Variants in DSCAM observed in about 807,000 individuals in gnomAD.
DSCAM encodes cell adhesion molecule DSCAM.
In DSCAM, 47 loss-of-function variants were observed where a neutral mutation model predicts 217.7. The ratio of observed to expected loss-of-function variants is 0.22; its 90% confidence interval spans 0.17 to 0.28. The LOEUF (loss-of-function observed/expected upper bound fraction) is 0.28. Ranked by LOEUF, DSCAM falls within the 10% of genes least tolerant of loss-of-function variation. The pLI, the probability that DSCAM is intolerant of heterozygous loss-of-function variation, is 1.00. For missense variants in DSCAM, 2,080 were observed against 2,618.3 expected, an observed-to-expected ratio of 0.79 and a Z score of 4.49; for synonymous variants, 1,056 against 1,015.3, an observed-to-expected ratio of 1.04 and a Z score of -0.76.
chr21:40,454,958 G>C (rs1201514886), intron 3 of DSCAM, among the ~76,000 whole-genome samples: 1 of 152,208 alleles, frequency 6.6e-6, no homozygotes, highest in Non-Finnish European at 1.5e-5. Context: ...TGGTAGGCTG[G>C]AGAGAAGTGA....
At chr21:40,256,855 G>T (rs970402354) in intron 11 of DSCAM, among the ~76,000 whole-genome samples, 1 of 152,068 alleles carries the variant, frequency 6.6e-6, no homozygotes, top group Non-Finnish European at 1.5e-5. Flanking sequence ...ATCCATGCAC[G>T]TCTGCTTACA....
intron 19 of DSCAM, among the ~76,000 whole-genome samples, chr21:40,126,639 T>TATAA (rs2090096895): frequency 1.3e-5 from 2 of 152,256 alleles, no homozygotes; most frequent in Admixed American, 1.3e-4. Flanking sequence ...TTATATGTTT[T>TATAA]AAGTTAAAAT....
At chr21:40,565,704 T>C (rs2076759021) in intron 3 of DSCAM, among the ~76,000 whole-genome samples, 1 of 152,150 alleles carries the variant, frequency 6.6e-6, no homozygotes, top group Admixed American at 6.5e-5. Flanking sequence ...AAGGGCCATA[T>C]TGCCTGTCCA....
chr21:40,109,587 G>A (rs1439191894), intron 20 of DSCAM, among the ~76,000 whole-genome samples: 1 of 152,234 alleles, frequency 6.6e-6, no homozygotes, highest in African/African-American at 2.4e-5. Context: ...AGCGGGTGCA[G>A]CGCACCGAGC....
At position 40,549,082 on chromosome 21, in the gene DSCAM, G is replaced by A. The variant is rs541079161; in HGVS notation, c.508+143728C>T. Among the ~76,000 whole-genome samples, 43 of 152,244 alleles carry A rather than the reference G, an allele frequency of 2.8e-4. 1 individual carries two copies. In the East Asian group the frequency reaches 6.8e-3, roughly 24 times the overall value. On this transcript the variant is annotated intron_variant, in intron 3 of 32. Coordinates refer to ENST00000400454, the MANE Select transcript of DSCAM (RefSeq NM_001389.5). ...TAACTGGGTGTGGTGGTGTGCGCCC[G>A]AGGTCCCAGCTACTCTGGAGGCTGA...
intron 11 of DSCAM, among the ~76,000 whole-genome samples, chr21:40,238,923 T>C (rs1420665232): frequency 1.3e-5 from 2 of 152,198 alleles, no homozygotes; most frequent in Non-Finnish European, 2.9e-5. Context: ...CTGCTTCTCT[T>C]TGCTTGAGAG....
chr21:40,374,628 C>A (rs1443314298), intron 3 of DSCAM, among the ~76,000 whole-genome samples: 1 of 152,188 alleles, frequency 6.6e-6, no homozygotes, highest in East Asian at 1.9e-4. Context: ...CTGCTATGAA[C>A]TGAATGTTTG....
intron 3 of DSCAM, among the ~76,000 whole-genome samples, chr21:40,604,752 C>T (rs1481157952): frequency 6.6e-6 from 1 of 152,184 alleles, no homozygotes; most frequent in Non-Finnish European, 1.5e-5. Flanking sequence ...TGATGTGATG[C>T]TGAGGTGTTA....
intron 6 of DSCAM, among the ~76,000 whole-genome samples, chr21:40,341,886 TTTCAGCCTCTTTTCATCTGGAACATTC>T (rs1315302665): frequency 3.3e-5 from 5 of 152,224 alleles, no homozygotes; most frequent in Non-Finnish European, 2.9e-5. Flanking sequence ...TTTCATGTCA[TTTCAGCCTCTTTTCATCTGGAACATTC>T]TTCAGCCTCT....
intron 3 of DSCAM, among the ~76,000 whole-genome samples, chr21:40,681,489 CT>C (rs57356615): frequency 0.011 from 1,566 of 145,810 alleles, 22 homozygotes; most frequent in African/African-American, 0.034. Context: ...CTTAAAAATG[CT>C]TTTTTTTTTT....
At chr21:40,449,925 CCAAT>C (rs1283872883) in intron 3 of DSCAM, among the ~76,000 whole-genome samples, 2 of 152,162 alleles carry the variant, frequency 1.3e-5, no homozygotes, top group East Asian at 3.9e-4. Flanking sequence ...AATACATAAG[CCAAT>C]TAAAATATTT....
At chr21:40,278,046 C>T (rs1201373022) in intron 10 of DSCAM, among the ~76,000 whole-genome samples, 2 of 151,838 alleles carry the variant, frequency 1.3e-5, no homozygotes, top group Non-Finnish European at 2.9e-5. Context: ...TGGGATACAA[C>T]ATCAATATAC....
At chr21:40,309,852 T>G (rs1356724055) in intron 9 of DSCAM, among the ~76,000 whole-genome samples, 1 of 152,202 alleles carries the variant, frequency 6.6e-6, no homozygotes, top group Non-Finnish European at 1.5e-5. Flanking sequence ...CTACTCTTCT[T>G]GCTTTCTAGC....
intron 21 of DSCAM, among the ~76,000 whole-genome samples, chr21:40,089,762 G>A (rs891186569): frequency 6.6e-6 from 1 of 152,008 alleles, no homozygotes. Flanking sequence ...CCAACTGACT[G>A]TCTGCTCCAT....
At chr21:40,236,521 T>C (rs2073081731) in intron 11 of DSCAM, among the ~76,000 whole-genome samples, 1 of 151,988 alleles carries the variant, frequency 6.6e-6, no homozygotes, top group Non-Finnish European at 1.5e-5. Flanking sequence ...TCAGGTGCTG[T>C]AGTCAAAGGA....
intron 18 of DSCAM, 96 bp downstream of exon 18, chr21:40,142,462 A>G: frequency 7.1e-7 from 1 of 1,408,824 alleles, no homozygotes; most frequent in Non-Finnish European, 9.7e-7. Flanking sequence ...GGTGCCCGCC[A>G]TATCCTGAGC....
chr21:40,563,599 TATATA>T (rs2076738871), intron 3 of DSCAM, among the ~76,000 whole-genome samples: 1 of 111,860 alleles, frequency 8.9e-6, no homozygotes, highest in African/African-American at 4.4e-5. Context: ...GTTTATATGT[TATATA>T]TATGTTTACA....
At chr21:40,255,452 C>CCCGG (rs1475767920) in intron 11 of DSCAM, among the ~76,000 whole-genome samples, 1 of 152,158 alleles carries the variant, frequency 6.6e-6, no homozygotes, top group Non-Finnish European at 1.5e-5. Context: ...CAAAGACCTC[C>CCCGG]CCGGCCTAAT....
intron 4 of DSCAM, among the ~76,000 whole-genome samples, chr21:40,364,761 CAT>C (rs35060347): frequency 0.2 from 28,321 of 139,310 alleles, 3,939 homozygotes; most frequent in African/African-American, 0.4. Context: ...AGTATATATA[CAT>C]ATATATATAT....
Sources: allele counts gnomAD v4.1 joint callset (sites outside exome capture counted in the v4.1 genomes callset), GRCh38; gene constraint gnomAD v4.1.1; transcripts MANE v1.5; gene names NCBI Gene and HGNC (gene_info 2026-07-23, HGNC 2026-07-21).